Variants in SPECC1 observed in about 807,000 individuals in gnomAD.
SPECC1 encodes the protein sperm antigen with calponin homology and coiled-coil domains 1, also known as cytospin-B.
A neutral mutation model predicts 104.1 loss-of-function variants in SPECC1; 62 were observed. The ratio of observed to expected loss-of-function variants is 0.60; its 90% CI spans 0.49 to 0.74. The LOEUF is 0.74. SPECC1 is among the 30% of genes least tolerant of loss of function. SPECC1 has a pLI of 0.00. For missense variants in SPECC1, 1,306 were observed against 1,310.5 expected (o/e 1.00, Z 0.05); for synonymous variants, 513 against 501.6 (o/e 1.02, Z -0.30).
intron 4 of SPECC1, among the ~76,000 whole-genome samples, chr17:20,224,431 G>A (rs1206988890): frequency 2.0e-5 from 3 of 152,220 alleles, no homozygotes; most frequent in African/African-American, 7.2e-5. Context: ...TCCCTTCAGG[G>A]TGATGGGTTC....
chr17:20,311,862 A>G (rs1209655830), intron 14 of SPECC1, among the ~76,000 whole-genome samples: 1 of 152,192 alleles, frequency 6.6e-6, no homozygotes, highest in African/African-American at 2.4e-5. Context: ...TATAAAAACT[A>G]TCTTGATTGT....
chr17:20,143,890 C>T (rs993996845), intron 3 of SPECC1, among the ~76,000 whole-genome samples: 16 of 152,140 alleles, frequency 1.1e-4, no homozygotes, highest in Non-Finnish European at 1.8e-4. Flanking sequence ...GCCTGTGGGG[C>T]GGCTTCAGTG....
Position 20,205,106 on chromosome 17 carries a change from T to A in SPECC1, c.1057T>A (p.Ser353Thr). 1 of 1,614,102 alleles carries A rather than the reference T, an allele frequency of 6.2e-7. No homozygotes were observed. Among genetic ancestry groups the A allele is most frequent in the Non-Finnish European group, 8.5e-7 (1 of 1,180,008 alleles). Residue 353 changes from serine to threonine, a missense_variant, in exon 4 of 15, where the codon TCA becomes ACA. Coordinates refer to ENST00000395527, the MANE Select transcript of SPECC1 (RefSeq NM_001243439.2). ...CTCCACCAGTAACCCCTTTAAGAGT[T>A]CAAAGTGTTCTACTGCTGGGAGTTC... ...LSSTSNPFKS[S>T]KCSTAGSSPN... is the part of the protein sequence containing the mutation.
intron 12 of SPECC1, among the ~76,000 whole-genome samples, chr17:20,271,265 C>T (rs1291656544): frequency 3.9e-5 from 6 of 151,972 alleles, no homozygotes; most frequent in African/African-American, 1.5e-4. Flanking sequence ...CGTTTATCAA[C>T]TGCTATTTCT....
intron 2 of SPECC1, among the ~76,000 whole-genome samples, chr17:20,108,797 T>A (rs2048348735): frequency 6.6e-6 from 1 of 152,240 alleles, no homozygotes; most frequent in African/African-American, 2.4e-5. Flanking sequence ...TACTTGCTTC[T>A]CTTGGGTGCG....
chr17:20,134,432 A>G (rs1348167558), intron 3 of SPECC1, among the ~76,000 whole-genome samples: 1 of 147,434 alleles, frequency 6.8e-6, no homozygotes, highest in Non-Finnish European at 1.5e-5. Flanking sequence ...TCACTGCCCC[A>G]TACTCAGCTC....
chr17:20,255,454 T>C (rs1380148233), intron 10 of SPECC1, among the ~76,000 whole-genome samples: 1 of 152,236 alleles, frequency 6.6e-6, no homozygotes, highest in East Asian at 1.9e-4. Flanking sequence ...ACACATAATA[T>C]AAAATTTACC....
At chr17:20,055,987 C>T (rs565684743) in intron 1 of SPECC1, among the ~76,000 whole-genome samples, 2 of 152,314 alleles carry the variant, frequency 1.3e-5, no homozygotes, top group East Asian at 3.9e-4. Flanking sequence ...TTTAGGAGGA[C>T]TGCACTCTGG....
chr17:20,116,696 G>A (rs951570173), intron 3 of SPECC1, among the ~76,000 whole-genome samples: 1 of 151,160 alleles, frequency 6.6e-6, no homozygotes, highest in African/African-American at 2.4e-5. Context: ...TTTGGGAGTG[G>A]AAACCTGAAT....
chr17:20,281,299 A>G (rs1016055938), intron 12 of SPECC1, among the ~76,000 whole-genome samples: 2 of 152,204 alleles, frequency 1.3e-5, no homozygotes, highest in African/African-American at 4.8e-5. Flanking sequence ...AAAAGAAAGA[A>G]AGAACCAGAC....
At position 20,065,283 on chromosome 17, in the gene SPECC1, C is replaced by G. The variant is rs1430369403; in HGVS notation, c.-21-31348C>G. ...GTCTACCTGGAGAGAGCATCAGATC[C>G]CACAGGGCAAAACTCAGGCCCCAAG... On this transcript the variant is annotated intron_variant, in intron 1 of 14. Coordinates refer to ENST00000395527, the MANE Select transcript of SPECC1 (RefSeq NM_001243439.2). 2.0e-5 allele frequency among the ~76,000 whole-genome samples: 3 copies of G among 152,122 alleles called. No homozygotes were observed. The East Asian group carries it at 5.8e-4, about 29-fold the overall frequency.
intron 3 of SPECC1, among the ~76,000 whole-genome samples, chr17:20,131,639 C>CTTTTTTT (rs541723505): frequency 1.5e-4 from 18 of 118,002 alleles, no homozygotes; most frequent in Non-Finnish European, 2.2e-4. Flanking sequence ...CAGTCTTCTT[C>CTTTTTTT]TTTTTTTTTT....
chr17:20,077,101 A>C (rs539883581), intron 1 of SPECC1, among the ~76,000 whole-genome samples: 2 of 152,228 alleles, frequency 1.3e-5, no homozygotes, highest in Admixed American at 6.5e-5. Context: ...ACCTCTTTAA[A>C]ATTTTTAAAA....
At chr17:20,191,246 G>C (rs2035648765) in intron 3 of SPECC1, among the ~76,000 whole-genome samples, 1 of 152,140 alleles carries the variant, frequency 6.6e-6, no homozygotes, top group Non-Finnish European at 1.5e-5. Context: ...AAATACCAAG[G>C]AGTGCTATTG....
intron 1 of SPECC1, among the ~76,000 whole-genome samples, chr17:20,058,528 G>T (rs1000064608): frequency 5.9e-5 from 9 of 151,968 alleles, no homozygotes; most frequent in African/African-American, 2.2e-4. Context: ...GCATGGTGGT[G>T]CGTGCCTGTA....
At chr17:20,286,408 C>G (rs1005040994) in intron 12 of SPECC1, among the ~76,000 whole-genome samples, 3 of 152,200 alleles carry the variant, frequency 2.0e-5, no homozygotes, top group African/African-American at 7.2e-5. Context: ...CCTTACCATA[C>G]TAACATCCCT....
intron 12 of SPECC1, among the ~76,000 whole-genome samples, chr17:20,266,743 G>A (rs1367043232): frequency 1.3e-5 from 2 of 152,178 alleles, no homozygotes; most frequent in Non-Finnish European, 2.9e-5. Flanking sequence ...TTGCCGTGGA[G>A]AGAAATAAAG....
intron 12 of SPECC1, among the ~76,000 whole-genome samples, chr17:20,294,215 C>T (rs1027416559): frequency 6.6e-6 from 1 of 152,222 alleles, no homozygotes; most frequent in Non-Finnish European, 1.5e-5. Context: ...CTCTTGACCT[C>T]AGGTGATCCA....
rs116245741 is a variant in SPECC1, at chr17:20,109,273, G to A, written c.148-1154G>A. Among the ~76,000 whole-genome samples, 1,013 of 152,300 alleles carry A rather than the reference G, an allele frequency of 6.7e-3. 9 individuals carry two copies. The highest frequency in any genetic ancestry group is 0.023 in the African/African-American group (956 of 41,564). On this transcript the variant is annotated intron_variant, in intron 2 of 14. Transcript: ENST00000395527. ...TCAGCCTGTGTGATGGGCGGGGCTC[G>A]CCCACTGCATATCGACATTGATTTA... is the stretch of plus-strand genomic sequence containing the variant.
Sources: gnomAD v4.1 joint callset for allele counts (sites outside exome capture counted in the v4.1 genomes callset) on GRCh38, gnomAD v4.1.1 for gene constraint, MANE v1.5 for transcripts, NCBI Gene and HGNC (gene_info 2026-07-23, HGNC 2026-07-21) for gene names.